Variants in PIGL observed in about 807,000 individuals in gnomAD.
PIGL encodes the protein N-acetylglucosaminyl-phosphatidylinositol de-N-acetylase.
In PIGL, 22 loss-of-function variants were observed where a neutral mutation model predicts 31.1. The observed-to-expected ratio is 0.71, with a 90% CI of 0.51 to 1.01. The LOEUF is 1.01. Ranked by LOEUF, PIGL falls within the 50% of genes least tolerant of loss-of-function variation. The pLI is 0.00. For missense variants in PIGL, 302 were observed against 315.9 expected (o/e 0.96, Z 0.33); for synonymous variants, 131 against 117.4 (o/e 1.12, Z -0.75).
intron 3 of PIGL, among the ~76,000 whole-genome samples, chr17:16,301,658 G>A (rs1230995569): frequency 2.0e-5 from 3 of 147,174 alleles, no homozygotes; most frequent in Non-Finnish European, 3.0e-5. Context: ...TGCAAGCTCC[G>A]CCTCCCGGGT....
At chr17:16,316,642 A>T in intron 4 of PIGL, 39 bp from the exon 5 acceptor site, 1 of 1,552,982 alleles carries the variant, frequency 6.4e-7, no homozygotes, top group Non-Finnish European at 8.8e-7. Context: ...AAAGGAAATG[A>T]TCCTTACTCC....
chr17:16,274,858 C>T (rs1290029765), intron 2 of PIGL, among the ~76,000 whole-genome samples: 3 of 151,714 alleles, frequency 2.0e-5, no homozygotes, highest in African/African-American at 7.3e-5. Flanking sequence ...ATGGCAAAAC[C>T]CCGTCTCTAC....
intron 2 of PIGL, among the ~76,000 whole-genome samples, chr17:16,269,175 G>C (rs572115380): frequency 4.6e-5 from 7 of 152,208 alleles, no homozygotes; most frequent in African/African-American, 1.7e-4. Context: ...AAACTGAGTC[G>C]GGGGAGATTA....
intron 2 of PIGL, among the ~76,000 whole-genome samples, chr17:16,234,292 C>G (rs1304242164): frequency 6.7e-6 from 1 of 149,754 alleles, no homozygotes; most frequent in East Asian, 2.0e-4. Context: ...AAAACCGCAT[C>G]TCTACTAAAA....
intron 1 of PIGL, among the ~76,000 whole-genome samples, chr17:16,229,858 ATTT>A (rs71150280): frequency 2.4e-4 from 23 of 97,700 alleles, no homozygotes; most frequent in Admixed American, 8.7e-4. Flanking sequence ...TAAAGTCATG[ATTT>A]TTTTTTTTTT....
intron 2 of PIGL, among the ~76,000 whole-genome samples, chr17:16,243,339 C>T (rs772887192): frequency 6.6e-6 from 1 of 152,180 alleles, no homozygotes; most frequent in Non-Finnish European, 1.5e-5. Flanking sequence ...CGTGAGCCAC[C>T]GTTTCTGGCC....
At chr17:16,271,342 C>A (rs2092871205) in intron 2 of PIGL, among the ~76,000 whole-genome samples, 1 of 152,108 alleles carries the variant, frequency 6.6e-6, no homozygotes, top group South Asian at 2.1e-4. Context: ...CAAATAGGAG[C>A]CTTGTGTTAG....
chr17:16,313,639 T>TG, intron 4 of PIGL, 25 bp downstream of exon 4: 1 of 1,568,752 alleles, frequency 6.4e-7, no homozygotes, highest in Non-Finnish European at 8.8e-7. Context: ...GTGATGGATG[T>TG]GGGGGAGGGT....
chr17:16,217,493 G>A (rs200256023), intron 1 of PIGL, 32 bp downstream of exon 1: 3 of 1,552,040 alleles, frequency 1.9e-6, no homozygotes, highest in East Asian at 2.2e-5. Context: ...GATGGGAGCC[G>A]GGGCTTTGAA....
intron 1 of PIGL, among the ~76,000 whole-genome samples, chr17:16,220,439 T>G (rs1020349154): frequency 2.0e-5 from 3 of 151,990 alleles, no homozygotes; most frequent in African/African-American, 7.2e-5. Flanking sequence ...TGTTTTTTAT[T>G]GTATGTTATT....
chr17:16,241,114 CAAAAA>C (rs35578509), intron 2 of PIGL, among the ~76,000 whole-genome samples: 3 of 52,996 alleles, frequency 5.7e-5, no homozygotes, highest in East Asian at 1.3e-3. Context: ...AACTCCCTCT[CAAAAA>C]AAAAAAAAAA....
chr17:16,314,520 C>G (rs977747355), intron 4 of PIGL, among the ~76,000 whole-genome samples: 1 of 152,148 alleles, frequency 6.6e-6, no homozygotes, highest in Non-Finnish European at 1.5e-5. Flanking sequence ...GAAGACCAAT[C>G]CAAACTGAAG....
At chr17:16,222,816 A>C (rs1273579356) in intron 1 of PIGL, among the ~76,000 whole-genome samples, 1 of 152,000 alleles carries the variant, frequency 6.6e-6, no homozygotes, top group African/African-American at 2.4e-5. Context: ...GTTCCAGACC[A>C]GCCTGGCCAG....
Position 16,254,575 on chromosome 17 carries a change from G to A in PIGL, c.335+20505G>A, listed in dbSNP as rs186934914. Among the ~76,000 whole-genome samples, 30 of 149,052 alleles carry A rather than the reference G, an allele frequency of 2.0e-4. 1 individual carries two copies. Among genetic ancestry groups the A allele is most frequent in the African/African-American group, 7.1e-4 (29 of 40,620 alleles). ...GAGCCACCGCACCTGGCATATACATGAATTTTTTTGTTTGTTTGGTTGGTT... is the reference window on the plus strand; with the variant it reads ...GAGCCACCGCACCTGGCATATACATAAATTTTTTTGTTTGTTTGGTTGGTT... On this transcript the variant is annotated intron_variant, in intron 2 of 6. Transcript: ENST00000225609.
At chr17:16,291,521 A>AAAAAAAAG (rs1555860361) in intron 2 of PIGL, among the ~76,000 whole-genome samples, 6 of 140,126 alleles carry the variant, frequency 4.3e-5, no homozygotes, top group Admixed American at 7.5e-5. Flanking sequence ...AAAAAAAAAA[A>AAAAAAAAG]AAAGAAAGAA....
chr17:16,309,612 T>C (rs955035610), intron 3 of PIGL, among the ~76,000 whole-genome samples: 2 of 150,694 alleles, frequency 1.3e-5, no homozygotes, highest in Non-Finnish European at 3.0e-5. Context: ...ATATAAAAAA[T>C]TAGCTAGGTG....
At chr17:16,319,710 G>T (rs866088335) in intron 6 of PIGL, among the ~76,000 whole-genome samples, 9 of 149,464 alleles carry the variant, frequency 6.0e-5, no homozygotes, top group African/African-American at 2.2e-4. Context: ...ATCCAAGATC[G>T]CACCACTGCA....
intron 2 of PIGL, among the ~76,000 whole-genome samples, chr17:16,294,012 G>A (rs1011568497): frequency 6.6e-6 from 1 of 152,192 alleles, no homozygotes; most frequent in Non-Finnish European, 1.5e-5. Context: ...ATACCTGATA[G>A]CAGTGTCTTT....
intron 2 of PIGL, among the ~76,000 whole-genome samples, chr17:16,271,878 AATTTT>A (rs201352019): frequency 6.6e-6 from 1 of 152,014 alleles, no homozygotes; most frequent in Non-Finnish European, 1.5e-5. Flanking sequence ...CTGAAATTCA[AATTTT>A]ATTTTATTTT....
Sources: allele counts gnomAD v4.1 joint callset (sites outside exome capture counted in the v4.1 genomes callset), GRCh38; gene constraint gnomAD v4.1.1; transcripts MANE v1.5; gene names NCBI Gene and HGNC (gene_info 2026-07-23, HGNC 2026-07-21).